IFIT1B: variants seen among roughly 807,000 people sequenced by gnomAD.
The protein encoded by IFIT1B is protein IFIT1 homolog B.
IFIT1B carries 3 observed loss-of-function variants against 2.5 expected under a neutral mutation model. That is an observed-to-expected ratio of 1.21 (90% CI 0.55 to 3.14). The LOEUF (loss-of-function observed/expected upper bound fraction) is 3.14, where lower values mean the gene tolerates loss of function less well. Among genes scored for constraint, IFIT1B ranks in the 30% most tolerant of loss-of-function variants. The probability of loss-of-function intolerance (pLI) is 0.03; values close to 1 mark genes in which losing one functional copy is unlikely to be tolerated. For missense variants in IFIT1B, 545 were observed against 556.5 expected (o/e 0.98, Z 0.21); for synonymous variants, 196 against 203.0 (o/e 0.97, Z 0.29).
intron 1 of IFIT1B, among the ~76,000 whole-genome samples, chr10:89,379,968 G>A (rs1298466185): frequency 2.6e-5 from 4 of 151,670 alleles, no homozygotes; most frequent in African/African-American, 4.9e-5. Context: ...CTGGGAGGCG[G>A]AGCTTGAAGT....
At chr10:89,379,890 C>A (rs528896312) in intron 1 of IFIT1B, among the ~76,000 whole-genome samples, 5 of 152,160 alleles carry the variant, frequency 3.3e-5, no homozygotes, top group African/African-American at 1.2e-4. Flanking sequence ...AAAAAATTAG[C>A]CGGGAGTGGT....
chr10:89,384,506 C>A lies in IFIT1B; in HGVS notation c.1193C>A (p.Ala398Glu), dbSNP rs767799915. 6 of 1,613,702 alleles carry A rather than the reference C, an allele frequency of 3.7e-6. No homozygotes were observed. The highest frequency in any genetic ancestry group is 1.3e-5 in the African/African-American group (1 of 74,872). The part of the protein sequence containing the change: ...QEHHGKSQDK[A>E]ITHYLKGLKI... ...CATCATGGGAAATCTCAAGATAAAGCAATTACCCATTATTTAAAAGGTTTG... is the reference window on the plus strand; with the variant it reads ...CATCATGGGAAATCTCAAGATAAAGAAATTACCCATTATTTAAAAGGTTTG... Residue 398 changes from alanine to glutamate, a missense_variant, in exon 2 of 2, where the codon GCA becomes GAA. Transcript: ENST00000371809.
chr10:89,382,439 G>C (rs1220963858), intron 1 of IFIT1B, among the ~76,000 whole-genome samples: 1 of 152,172 alleles, frequency 6.6e-6, no homozygotes, highest in East Asian at 1.9e-4. Flanking sequence ...CACTTCAGAG[G>C]AGCGTGAACT....
At chr10:89,383,287 A>C in intron 1 of IFIT1B, 32 bp from the exon 2 acceptor site, 1 of 1,566,570 alleles carries the variant, frequency 6.4e-7, no homozygotes, top group Non-Finnish European at 8.7e-7. Flanking sequence ...ATACTTTCTC[A>C]AAATGTAATT....
intron 1 of IFIT1B, among the ~76,000 whole-genome samples, chr10:89,379,891 C>T (rs1033319812): frequency 2.0e-5 from 3 of 151,944 alleles, no homozygotes; most frequent in Non-Finnish European, 4.4e-5. Context: ...AAAAATTAGC[C>T]GGGAGTGGTG....
At chr10:89,380,530 G>A (rs367675260) in intron 1 of IFIT1B, among the ~76,000 whole-genome samples, 14 of 151,424 alleles carry the variant, frequency 9.2e-5, no homozygotes, top group Admixed American at 2.6e-4. Flanking sequence ...CCACCTGCCC[G>A]GGCTCAGGTG....
chr10:89,383,432 G>T lies in IFIT1B; in HGVS notation c.119G>T (p.Trp40Leu), dbSNP rs1278381973. 1.2e-6 allele frequency: 2 copies of T among 1,614,212 alleles called. No individual in the cohort carries two copies. The highest frequency in any genetic ancestry group is 1.7e-6 in the Non-Finnish European group (2 of 1,180,036). Residue 40 changes from tryptophan to leucine, a missense_variant, in exon 2 of 2, where the codon TGG (tryptophan) becomes TTG (leucine). Coordinates refer to ENST00000371809, the MANE Select transcript of IFIT1B (RefSeq NM_001010987.2). ...PEIPDLENRI[W>L]EEIQFLDTKY... ...ATTCCTGATTTAGAAAACAGGATCT[G>T]GGAAGAGATTCAGTTCCTGGACACC...
intron 1 of IFIT1B, 76 bp from the exon 2 acceptor site, chr10:89,383,243 A>AT: frequency 7.7e-7 from 1 of 1,296,614 alleles, no homozygotes. Context: ...ATATTTGACT[A>AT]TTTGAAGTGC....
At chr10:89,383,271 G>C (rs1844176723) in intron 1 of IFIT1B, 48 bp from the exon 2 acceptor site, 2 of 1,501,414 alleles carry the variant, frequency 1.3e-6, no homozygotes, top group Admixed American at 1.9e-5. Context: ...ATTTTCAGTG[G>C]ACTGAATACT....
At position 89,383,437 on chromosome 10, in the gene IFIT1B, G is replaced by A. The variant is rs765717717; in HGVS notation, c.124G>A (p.Glu42Lys). ...TGATTTAGAAAACAGGATCTGGGAA[G>A]AGATTCAGTTCCTGGACACCAAATA... ...IPDLENRIWE[E>K]IQFLDTKYNV... Residue 42 changes from glutamate (E) to lysine (K), a missense_variant, in exon 2 of 2, where the codon GAG becomes AAG. Transcript: ENST00000371809. 6.2e-7 allele frequency: 1 copy of A among 1,614,240 alleles called. No homozygotes were observed. Among genetic ancestry groups the A allele is most frequent in the South Asian group, 1.1e-5 (1 of 91,082 alleles).
intron 1 of IFIT1B, among the ~76,000 whole-genome samples, chr10:89,382,690 C>T (rs572073765): frequency 2.0e-4 from 30 of 152,326 alleles, no homozygotes; most frequent in African/African-American, 5.1e-4. Context: ...AGTAAGGCTG[C>T]CCTTGTGAGG....
intron 1 of IFIT1B, among the ~76,000 whole-genome samples, chr10:89,382,867 G>C (rs991799024): frequency 6.6e-6 from 1 of 152,200 alleles, no homozygotes; most frequent in Non-Finnish European, 1.5e-5. Flanking sequence ...CCCTTCATGG[G>C]AGGAGAGAAA....
rs1311640792 is a variant in IFIT1B at position 89,384,195 on chromosome 10, C to A, written c.882C>A (p.Cys294Ter). 1 of 1,613,980 alleles carries A rather than the reference C, an allele frequency of 6.2e-7. No individual in the cohort carries two copies. The highest frequency in any genetic ancestry group is 8.5e-7 in the Non-Finnish European group (1 of 1,179,992). ...SAFLHHQMGL[C>*]YRAQMIQIKE... ...TCCTGCATCACCAAATGGGGCTTTG[C>A]TACAGGGCACAAATGATCCAAATCA... The change falls in exon 2 of 2, where the codon TGC (cysteine) becomes TGA (stop). Residue 294 changes from cysteine to a stop codon, truncating the protein, a stop_gained. Transcript: ENST00000371809. LOFTEE classifies it low-confidence loss of function (END_TRUNC).
At position 89,384,286 on chromosome 10, in the gene IFIT1B, G is replaced by C; in HGVS notation, c.973G>C (p.Ala325Pro). The change falls in exon 2 of 2, where the codon GCT becomes CCT. Residue 325 changes from alanine (A) to proline (P), a missense_variant. Transcript: ENST00000371809. Reference protein sequence around the residue: ...RETVDRLVQLAICKFEKTIML... With the variant: ...RETVDRLVQLPICKFEKTIML... Reference sequence around the variant, plus strand: ...AACTGTGGACAGATTGGTTCAATTGGCTATATGCAAATTTGAAAAGACTAT... The same window carrying C: ...AACTGTGGACAGATTGGTTCAATTGCCTATATGCAAATTTGAAAAGACTAT... 1 of 1,614,152 alleles carries C rather than the reference G, an allele frequency of 6.2e-7. No individual in the cohort carries two copies. Among genetic ancestry groups the C allele is most frequent in the Admixed American group, 1.7e-5 (1 of 60,024 alleles).
chr10:89,379,193 C>T (rs1157287406), intron 1 of IFIT1B, among the ~76,000 whole-genome samples: 1 of 152,186 alleles, frequency 6.6e-6, no homozygotes, highest in Non-Finnish European at 1.5e-5. Flanking sequence ...ATTGTGATTA[C>T]TATGAAATTT....
rs1432394819 is a variant in IFIT1B at position 89,383,897 on chromosome 10, C to T, written c.584C>T (p.Ser195Leu). 6.2e-7 allele frequency: 1 copy of T among 1,614,040 alleles called. No homozygotes were observed. The highest frequency in any genetic ancestry group is 8.5e-7 in the Non-Finnish European group (1 of 1,180,054). The change falls in exon 2 of 2, where the codon TCA (serine) becomes TTA (leucine). Residue 195 changes from serine to leucine, a missense_variant. Ser to Leu is a moderately radical substitution (Grantham distance 145). Transcript: ENST00000371809. ...VYRLDKFNTA[S>L]GRNKAFSLHV... ...CGCCTGGATAAATTTAACACAGCAT[C>T]AGGGAGGAATAAGGCATTTTCTCTG...
At chr10:89,381,501 A>T (rs1369001200) in intron 1 of IFIT1B, among the ~76,000 whole-genome samples, 1 of 152,150 alleles carries the variant, frequency 6.6e-6, no homozygotes, top group East Asian at 1.9e-4. Context: ...AGTCAACTAT[A>T]CAGTCCTATC....
At position 89,384,290 on chromosome 10, in the gene IFIT1B, T is replaced by C. The variant is rs781005470; in HGVS notation, c.977T>C (p.Ile326Thr). Residue 326 changes from isoleucine to threonine, a missense_variant, in exon 2 of 2, where the codon ATA (isoleucine) becomes ACA (threonine). Transcript: ENST00000371809. ...ETVDRLVQLA[I>T]CKFEKTIMLK... ...GTGGACAGATTGGTTCAATTGGCTA[T>C]ATGCAAATTTGAAAAGACTATAATG... The C allele has an allele frequency of 2.5e-6, 4 of 1,614,190 alleles. No individual in the cohort carries two copies. Among genetic ancestry groups the C allele is most frequent in the Admixed American group, 1.7e-5 (1 of 60,018 alleles).
In IFIT1B at chr10:89,384,500, A is replaced by G; in HGVS notation, c.1187A>G (p.Asp396Gly). 1 of 1,614,160 alleles carries G rather than the reference A, an allele frequency of 6.2e-7. No individual in the cohort carries two copies. Among genetic ancestry groups the G allele is most frequent in the Non-Finnish European group, 8.5e-7 (1 of 1,179,984 alleles). ...CAAGAACATCATGGGAAATCTCAAG[A>G]TAAAGCAATTACCCATTATTTAAAA... ...RFQEHHGKSQ[D>G]KAITHYLKGL... The change falls in exon 2 of 2, where the codon GAT becomes GGT. Residue 396 changes from aspartate to glycine, a missense_variant. Coordinates refer to ENST00000371809, the MANE Select transcript of IFIT1B (RefSeq NM_001010987.2).
Sources: allele counts gnomAD v4.1 joint callset (sites outside exome capture counted in the v4.1 genomes callset), GRCh38; gene constraint gnomAD v4.1.1; transcripts MANE v1.5; gene names NCBI Gene and HGNC (gene_info 2026-07-23, HGNC 2026-07-21).